Variants in PEX5 observed in about 807,000 individuals in gnomAD.
The protein encoded by PEX5 is peroxisomal biogenesis factor 5.
Under a neutral mutation model 82.9 loss-of-function variants are expected in PEX5, and 52 were observed. That is an observed-to-expected ratio of 0.63 (90% CI 0.50 to 0.79). The LOEUF is 0.79. Among genes scored for constraint, PEX5 ranks in the 30% least tolerant of loss-of-function variants. The probability of loss-of-function intolerance (pLI) is 0.00; values close to 1 mark genes in which losing one functional copy is unlikely to be tolerated. For synonymous variants in PEX5, 300 were observed against 318.8 expected (o/e 0.94, Z 0.63); for missense variants, 719 against 815.2 (o/e 0.88, Z 1.44).
chr12:7,194,265 A>G (rs913954206), intron 5 of PEX5, among the ~76,000 whole-genome samples: 2 of 152,156 alleles, frequency 1.3e-5, no homozygotes, highest in Admixed American at 6.5e-5. Context: ...TTGCAGCTCA[A>G]TTATTTAAAT....
Position 7,191,620 on chromosome 12 carries a change from T to C in PEX5, c.368T>C (p.Leu123Pro), listed in dbSNP as rs777324636. The change falls in exon 5 of 16, where the codon CTT becomes CCT. Residue 123 changes from leucine to proline, a missense_variant. Transcript: ENST00000675855. The stretch of plus-strand genomic sequence containing the variant: ...TCTGAGAACTGGGCCCAGGAGTTTC[T>C]TGCAGCTGGAGATGCTGTGGATGTA... ...ALSENWAQEF[L>P]AAGDAVDVTQ... 3.1e-6 allele frequency: 5 copies of C among 1,613,946 alleles called. No homozygotes were observed. Among genetic ancestry groups the C allele is most frequent in the Non-Finnish European group, 3.4e-6 (4 of 1,179,790 alleles).
intron 10 of PEX5, among the ~76,000 whole-genome samples, chr12:7,206,447 CG>C (rs1306238964): frequency 6.6e-6 from 1 of 152,216 alleles, no homozygotes; most frequent in Admixed American, 6.5e-5. Flanking sequence ...TCTGGCCCTT[CG>C]CAGAAAAAGT....
rs1565707295 is a variant in PEX5, at chr12:7,203,181, A to AAAC, written c.847-251_847-250insAAC. On this transcript the variant is annotated intron_variant, in intron 9 of 15. Coordinates refer to ENST00000675855, the MANE Select transcript of PEX5 (RefSeq NM_001351132.2). The stretch of plus-strand genomic sequence containing the variant: ...CTCAAACAAAAAACTAAACTAAACT[A>AAAC]TGCACTGCACTGCACTGCACTGCAC... 1.2e-4 allele frequency among the ~76,000 whole-genome samples: 10 copies of AAAC among 82,590 alleles called. 3 individuals are homozygous for AAAC. Among genetic ancestry groups the AAAC allele is most frequent in the South Asian group, 7.7e-4 (2 of 2,584 alleles). 54.2% of individuals were successfully genotyped at this position (82,590 alleles called of 152,430 possible).
At chr12:7,216,260 G>C (rs1945776621), downstream of PEX5, among the ~76,000 whole-genome samples, 1 of 152,164 alleles carries the variant, frequency 6.6e-6, no homozygotes, top group African/African-American at 2.4e-5. Flanking sequence ...GAGCCACCGT[G>C]CCCGGCCCAA....
At position 7,190,869 on chromosome 12, in the gene PEX5, CTCTG is replaced by C. The variant is rs774517551; in HGVS notation, c.148-15_148-12del. ...TTAGAGGAACTGCGTCATTGTACAT[CTCTG>C]TCTTTCTCTCTTAGGCCTCCAAGCC... On this transcript the variant is annotated splice_polypyrimidine_tract_variant and intron_variant, in intron 2 of 15. Transcript: ENST00000675855. 4.5e-4 allele frequency: 727 copies of C among 1,611,108 alleles called. 4 individuals carry two copies. The African/African-American group carries it at 8.7e-3, about 19-fold the overall frequency.
intron 1 of PEX5, 157 bp downstream of exon 1, chr12:7,189,907 A>G (rs963776028): frequency 2.1e-6 from 3 of 1,423,956 alleles, no homozygotes; most frequent in African/African-American, 2.9e-5. Context: ...AGCCGGGGGA[A>G]GGGCTCCGGT....
intron 10 of PEX5, among the ~76,000 whole-genome samples, chr12:7,206,774 T>G (rs1196398812): frequency 6.6e-6 from 1 of 152,252 alleles, no homozygotes; most frequent in Non-Finnish European, 1.5e-5. Flanking sequence ...AATTTATTCT[T>G]AACTGCATTT....
chr12:7,218,213 G>A (rs1191204146), intron 17 of PEX5, among the ~76,000 whole-genome samples: 1 of 152,120 alleles, frequency 6.6e-6, no homozygotes, highest in East Asian at 1.9e-4. Flanking sequence ...AGTCCTTCCA[G>A]GATTCATATA....
At position 7,209,694 on chromosome 12, in the gene PEX5, G is replaced by C. The variant is rs751828689; in HGVS notation, c.1572G>C (p.Leu524=). The C allele has an allele frequency of 1.7e-6, 2 of 1,161,198 alleles. No homozygotes were observed. 71.9% of individuals were successfully genotyped at this position (1,161,198 alleles called of 1,614,324 possible). A position where few individuals can be genotyped will look rare whatever the true frequency, so the allele number is the denominator to read the frequency against. The stretch of plus-strand genomic sequence containing the variant: ...CATCCCTATCCCAGGACTATTTGCT[G>C]TGGAATAAGCTAGGCGCCACCCTGG... ...ALSVRPNDYL[L]WNKLGATLAN... The change falls in exon 15 of 16, where the codon CTG becomes CTC. Residue 524 remains leucine, a synonymous_variant. Transcript: ENST00000675855.
At chr12:7,196,055 T>G (rs1452808310) in intron 5 of PEX5, among the ~76,000 whole-genome samples, 2 of 145,462 alleles carry the variant, frequency 1.4e-5, no homozygotes, top group African/African-American at 5.0e-5. Context: ...TATATACATT[T>G]TACATTATAT....
intron 5 of PEX5, among the ~76,000 whole-genome samples, chr12:7,197,483 A>ATAATTATATATGTTATATATAATG (rs1942935614): frequency 1.0e-5 from 1 of 99,008 alleles, no homozygotes; most frequent in African/African-American, 3.9e-5. Flanking sequence ...TATATATAAT[A>ATAATTATATATGTTATATATAATG]TAATAATTAT....
In PEX5 at chr12:7,207,876, G is replaced by A. The variant is rs1945012242; in HGVS notation, c.1110+74G>A. On this transcript the variant is annotated intron_variant, in intron 11 of 15. Coordinates refer to ENST00000675855, the MANE Select transcript of PEX5 (RefSeq NM_001351132.2). ...CTTGAGAAAGGCCCCAAGGAGAGTAGTGCAGATGGGTTAGGGCCTGGGTGA... is the reference window on the plus strand; with the variant it reads ...CTTGAGAAAGGCCCCAAGGAGAGTAATGCAGATGGGTTAGGGCCTGGGTGA... The A allele has an allele frequency of 2.6e-6, 4 of 1,568,112 alleles. No homozygotes were observed. The South Asian group carries it at 4.4e-5, about 17-fold the overall frequency.
At position 7,211,356 on chromosome 12, in the gene PEX5, T is replaced by TTAAAC. The variant is rs1383753027; in HGVS notation, c.*1136_*1140dup. 1.3e-5 allele frequency: 2 copies of TTAAAC among 152,124 alleles called. No individual in the cohort carries two copies. Among genetic ancestry groups the TTAAAC allele is most frequent in the Non-Finnish European group, 2.9e-5 (2 of 68,012 alleles). 9.4% of individuals were successfully genotyped at this position (152,124 alleles called of 1,614,324 possible). ...GCTAATGATCAGAGAGATTTTTTTT[T>TTAAAC]TAAACTACCATGGTCCCAGGATTCC... is the stretch of plus-strand genomic sequence containing the variant. On this transcript the variant is annotated 3_prime_UTR_variant, in exon 16 of 16. Coordinates refer to ENST00000675855, the MANE Select transcript of PEX5 (RefSeq NM_001351132.2).
chr12:7,202,281 C>G lies in PEX5; in HGVS notation c.683C>G (p.Ser228Cys). 6.2e-7 allele frequency: 1 copy of G among 1,614,096 alleles called. No individual in the cohort carries two copies. Among genetic ancestry groups the G allele is most frequent in the Non-Finnish European group, 8.5e-7 (1 of 1,180,018 alleles). The change falls in exon 8 of 16, where the codon TCC (serine) becomes TGC (cysteine). Residue 228 changes from serine (S) to cysteine (C), a missense_variant. Ser to Cys is a moderately radical substitution (Grantham distance 112). Transcript: ENST00000675855. ...FVRQIGEGQV[S>C]LESGAGSGRA... ...CGGCAGATTGGCGAAGGGCAGGTGTCCCTGGAGTCCGGTGCAGGGTCGGGC... is the reference window on the plus strand; with the variant it reads ...CGGCAGATTGGCGAAGGGCAGGTGTGCCTGGAGTCCGGTGCAGGGTCGGGC...
rs201966442 is a variant in PEX5 at position 7,202,267 on chromosome 12, C to T, written c.669C>T (p.Gly223=). 1.2e-5 allele frequency: 19 copies of T among 1,613,996 alleles called. No homozygotes were observed. The highest frequency in any genetic ancestry group is 6.7e-5 in the African/African-American group (5 of 74,968). The part of the protein sequence containing the change: ...SEFLKFVRQI[G]EGQVSLESGA... ...TCCTGAAATTCGTGCGGCAGATTGG[C>T]GAAGGGCAGGTGTCCCTGGAGTCCG... The change falls in exon 8 of 16, where the codon GGC becomes GGT. Residue 223 remains glycine, a synonymous_variant. Coordinates refer to ENST00000675855, the MANE Select transcript of PEX5 (RefSeq NM_001351132.2).
At chr12:7,207,133 T>A (rs1392378243) in intron 10 of PEX5, among the ~76,000 whole-genome samples, 3 of 152,216 alleles carry the variant, frequency 2.0e-5, no homozygotes, top group African/African-American at 7.2e-5. Context: ...GGGAATAAAT[T>A]AACATTTTCA....
In PEX5 at chr12:7,210,339, G is replaced by A. The variant is rs1325741479; in HGVS notation, c.*116G>A. On this transcript the variant is annotated 3_prime_UTR_variant, in exon 16 of 16. Coordinates refer to ENST00000675855, the MANE Select transcript of PEX5 (RefSeq NM_001351132.2). ...CGGGCTGATGACCATAAGCGGTACGGCCTTTCAGGAGCTGCCTCAACGTAG... is the reference window on the plus strand; with the variant it reads ...CGGGCTGATGACCATAAGCGGTACGACCTTTCAGGAGCTGCCTCAACGTAG... The A allele has an allele frequency of 4.3e-6, 4 of 933,202 alleles. No homozygotes were observed. Among genetic ancestry groups the A allele is most frequent in the East Asian group, 4.9e-5 (2 of 40,824 alleles). 57.8% of individuals were successfully genotyped at this position (933,202 alleles called of 1,614,324 possible). A position where few individuals can be genotyped will look rare whatever the true frequency, so the allele number is the denominator to read the frequency against.
chr12:7,215,552 A>G (rs780245852), downstream of PEX5, among the ~76,000 whole-genome samples: 1 of 152,222 alleles, frequency 6.6e-6, no homozygotes, highest in South Asian at 2.1e-4. Flanking sequence ...ATAGAATACT[A>G]TGCATCCGCG....
chr12:7,210,466 A>C lies in PEX5; in HGVS notation c.*243A>C, dbSNP rs111534308. 3.0e-5 allele frequency: 18 copies of C among 592,826 alleles called. No homozygotes were observed. Among genetic ancestry groups the C allele is most frequent in the African/African-American group, 2.6e-4 (14 of 54,096 alleles). 36.7% of individuals were successfully genotyped at this position (592,826 alleles called of 1,614,324 possible). Reference sequence around the variant, plus strand: ...TCAAGGGCTGTACATCCAGCTACAGATCTCTCTGCTCATCATGCCCTTTCT... The same window carrying C: ...TCAAGGGCTGTACATCCAGCTACAGCTCTCTCTGCTCATCATGCCCTTTCT... On this transcript the variant is annotated 3_prime_UTR_variant, in exon 16 of 16. Transcript: ENST00000675855.
Sources: gnomAD v4.1 joint callset for allele counts (sites outside exome capture counted in the v4.1 genomes callset) on GRCh38, gnomAD v4.1.1 for gene constraint, MANE v1.5 for transcripts, NCBI Gene and HGNC (gene_info 2026-07-23, HGNC 2026-07-21) for gene names.